Variants in MED24 observed in about 807,000 individuals in gnomAD.
The protein encoded by MED24 is mediator complex subunit 24.
MED24 carries 74 observed loss-of-function variants against 118.8 expected under a neutral mutation model. The ratio of observed to expected loss-of-function variants is 0.62; its 90% confidence interval spans 0.52 to 0.76. MED24 has a LOEUF of 0.76. MED24 is among the 30% of genes least tolerant of loss of function. The pLI is 0.00. For missense variants in MED24, 1,041 were observed against 1,278.9 expected, an observed-to-expected ratio of 0.81 and a Z score of 2.84; for synonymous variants, 521 against 523.9, an observed-to-expected ratio of 0.99 and a Z score of 0.08.
chr17:40,044,871 T>C (rs1357575824), intron 3 of MED24, among the ~76,000 whole-genome samples: 2 of 129,412 alleles, frequency 1.5e-5, no homozygotes, highest in African/African-American at 3.1e-5. Flanking sequence ...ACAGCGAGAC[T>C]CCATCTCAAA....
Position 40,022,021 on chromosome 17 carries a change from G to C in MED24, c.2557C>G (p.Gln853Glu). 1 of 1,611,530 alleles carries C rather than the reference G, an allele frequency of 6.2e-7. No individual in the cohort carries two copies. The highest frequency in any genetic ancestry group is 8.5e-7 in the Non-Finnish European group (1 of 1,178,746). Residue 853 changes from glutamine (Q) to glutamate (E), a missense_variant, in exon 23 of 26, where the codon CAG becomes GAG. Coordinates refer to ENST00000394128, the MANE Select transcript of MED24 (RefSeq NM_014815.4). ...AGCAGTCGCATCAACTTCGAAGGCT[G>C]CACATCGTCCAGGGGGAAGAGGCTG... ...YISLFPLDDV[Q>E]PSKLMRLLSS...
chr17:40,026,605 T>A, intron 18 of MED24, 42 bp downstream of exon 18: 1 of 1,543,398 alleles, frequency 6.5e-7, no homozygotes, highest in Non-Finnish European at 8.8e-7. Flanking sequence ...TGGCTGGCTC[T>A]GTGTCTCAGG....
intron 9 of MED24, 184 bp from the exon 10 acceptor site, chr17:40,032,274 A>G: frequency 1.5e-6 from 1 of 658,390 alleles, no homozygotes; most frequent in Admixed American, 3.0e-5. Flanking sequence ...TGATGCCCCC[A>G]GGCCTAGGCA....
Position 40,019,641 on chromosome 17 carries a change from G to C in MED24, c.2858C>G (p.Ser953Trp). ...CATGGCTGACACCTTCACCAGTTCC[G>C]ACACCTGCCACGGACAGACAGATGC... ...VLQFMPFTTV[S>W]ELVKVSAMSS... is the part of the protein sequence containing the mutation. The change falls in exon 26 of 26, where the codon TCG becomes TGG. Residue 953 changes from serine to tryptophan, a missense_variant. Coordinates refer to ENST00000394128, the MANE Select transcript of MED24 (RefSeq NM_014815.4). 6.3e-7 allele frequency: 1 copy of C among 1,592,228 alleles called. No homozygotes were observed. Among genetic ancestry groups the C allele is most frequent in the South Asian group, 1.1e-5 (1 of 88,900 alleles).
intron 17 of MED24, 36 bp from the exon 18 acceptor site, chr17:40,026,782 A>G (rs2144881339): frequency 6.2e-7 from 1 of 1,611,394 alleles, no homozygotes; most frequent in African/African-American, 1.3e-5. Context: ...CAGGGGAGCA[A>G]GGAACGGGCT....
chr17:40,052,319 G>A (rs1320022129), intron 3 of MED24, among the ~76,000 whole-genome samples: 1 of 152,128 alleles, frequency 6.6e-6, no homozygotes, highest in East Asian at 1.9e-4. Flanking sequence ...ATGACCTTTG[G>A]CAAGTTATGT....
In MED24 at chr17:40,035,358, A is replaced by G. The variant is rs1983814115; in HGVS notation, c.327-9T>C. 5 of 1,567,796 alleles carry G rather than the reference A, an allele frequency of 3.2e-6. No individual in the cohort carries two copies. The highest frequency in any genetic ancestry group is 3.4e-4 in the Middle Eastern group (2 of 5,834). ...CTGCTTTGCCGTGACAGCTACAGGG[A>G]AGGATGCAAAATCAGACTCTGTTCT... On this transcript the variant is annotated splice_polypyrimidine_tract_variant and intron_variant, in intron 5 of 25. Coordinates refer to ENST00000394128, the MANE Select transcript of MED24 (RefSeq NM_014815.4).
chr17:40,029,098 A>T, intron 13 of MED24, 130 bp from the exon 14 acceptor site: 1 of 1,307,458 alleles, frequency 7.6e-7, no homozygotes, highest in Non-Finnish European at 1.1e-6. Flanking sequence ...AATCTGGAAA[A>T]TCATTCCTAA....
rs147398856 is a variant in MED24, at chr17:40,022,807, C to T, written c.2270G>A (p.Arg757Gln). The change falls in exon 21 of 26, where the codon CGG (arginine) becomes CAG (glutamine). Residue 757 changes from arginine to glutamine, a missense_variant. Around this residue, in one of 3 missense-constraint regions of MED24, gnomAD observed 587 missense variants for 694.4 expected, o/e 0.85. Transcript: ENST00000394128. ...CACTGCCCGCAGCGTGTGCTCCTTC[C>T]GCGTCTCCTTCAGCAGCTCCTAGTG... ...NLIKELLKET[R>Q]KEHTLRAVEL... is the part of the protein sequence containing the mutation. The T allele has an allele frequency of 1.7e-5, 28 of 1,613,350 alleles. No homozygotes were observed. The highest frequency in any genetic ancestry group is 6.7e-5 in the East Asian group (3 of 44,872).
intron 11 of MED24, 144 bp from the exon 12 acceptor site, chr17:40,031,389 G>T: frequency 8.3e-7 from 1 of 1,204,784 alleles, no homozygotes; most frequent in South Asian, 1.3e-5. Context: ...GGGCTCTGGG[G>T]ACTTGGCAAC....
At chr17:40,035,386 C>G (rs1042109961) in intron 5 of MED24, 37 bp from the exon 6 acceptor site, 81 of 1,537,402 alleles carry the variant, frequency 5.3e-5, no homozygotes, top group Non-Finnish European at 7.0e-5. Context: ...TCTGTTCTTC[C>G]AATGGCTGAA....
At chr17:40,029,089 A>G in intron 13 of MED24, 121 bp from the exon 14 acceptor site, 2 of 1,356,988 alleles carry the variant, frequency 1.5e-6, no homozygotes, top group Non-Finnish European at 2.0e-6. Flanking sequence ...TCTGACTTCA[A>G]TCTGGAAAAT....
intron 18 of MED24, 72 bp downstream of exon 18, chr17:40,026,575 G>T: frequency 1.4e-6 from 2 of 1,417,342 alleles, no homozygotes; most frequent in South Asian, 1.2e-5. Context: ...TTGCCCTTAC[G>T]AAATATAACA....
intron 3 of MED24, among the ~76,000 whole-genome samples, chr17:40,041,430 C>G (rs2144952137): frequency 6.6e-6 from 1 of 152,330 alleles, no homozygotes; most frequent in East Asian, 1.9e-4. Flanking sequence ...TCCCTGCTGT[C>G]TCTGCACAAT....
chr17:40,028,692 G>T, intron 14 of MED24, 134 bp downstream of exon 14: 1 of 1,277,710 alleles, frequency 7.8e-7, no homozygotes, highest in Non-Finnish European at 1.1e-6. Flanking sequence ...AAGATCTCCA[G>T]CCAGGATGCT....
intron 22 of MED24, 152 bp from the exon 23 acceptor site, chr17:40,022,206 C>G (rs563600650): frequency 1.1e-6 from 1 of 895,578 alleles, no homozygotes; most frequent in African/African-American, 1.7e-5. Context: ...ATCTGACAGG[C>G]CCCTTGTGCC....
At position 40,053,564 on chromosome 17, in the gene MED24, T is replaced by G; in HGVS notation, c.35A>C (p.Gln12Pro). 6.2e-7 allele frequency: 1 copy of G among 1,614,206 alleles called. No individual in the cohort carries two copies. The highest frequency in any genetic ancestry group is 8.5e-7 in the Non-Finnish European group (1 of 1,180,048). The part of the protein sequence containing the change: ...KVVNLKQAIL[Q>P]AWKERWSDYQ... The stretch of plus-strand genomic sequence containing the variant: ...GTCACTCCAGCGCTCCTTCCAGGCT[T>G]GCAAAATGGCTTGCTTCAGGTTGAC... Residue 12 changes from glutamine to proline, a missense_variant, in exon 2 of 26, where the codon CAA becomes CCA. Coordinates refer to ENST00000394128, the MANE Select transcript of MED24 (RefSeq NM_014815.4).
At chr17:40,053,233 A>T in intron 3 of MED24, 65 bp downstream of exon 3, 1 of 1,457,468 alleles carries the variant, frequency 6.9e-7, no homozygotes, top group South Asian at 1.3e-5. Flanking sequence ...CCGGGGCCCA[A>T]ATGCACTCCA....
rs370636323 is a variant in MED24 at position 40,019,761 on chromosome 17, G to A, written c.2853+24C>T. 1.8e-5 allele frequency: 29 copies of A among 1,610,044 alleles called. No individual in the cohort carries two copies. The South Asian group carries it at 3.2e-4, about 18-fold the overall frequency. On this transcript the variant is annotated intron_variant, in intron 25 of 25. Transcript: ENST00000394128. ...TGCCCCGAGGCCCCAGCACCAGCAG[G>A]AGAGCCGGGAAGGTGGTACTCACGG...
Sources: allele counts gnomAD v4.1 joint callset (sites outside exome capture counted in the v4.1 genomes callset), GRCh38; gene constraint gnomAD v4.1.1; regional missense constraint gnomAD v4.1.1; transcripts MANE v1.5; gene names NCBI Gene and HGNC (gene_info 2026-07-23, HGNC 2026-07-21).